SCNN1A: variants seen among roughly 807,000 people sequenced by gnomAD.
SCNN1A encodes the protein sodium channel epithelial 1 subunit alpha, also known as epithelial sodium channel subunit alpha.
SCNN1A carries 65 observed loss-of-function variants against 68.6 expected under a neutral mutation model. The observed-to-expected ratio is 0.95, with a 90% CI of 0.78 to 1.16. The LOEUF is 1.16. Ranked by LOEUF, SCNN1A falls within the 50% of genes most tolerant of loss-of-function variation. The pLI is 0.00. For synonymous variants in SCNN1A, 357 were observed against 353.3 expected, an observed-to-expected ratio of 1.01 and a Z score of -0.12; for missense variants, 880 against 865.9, an observed-to-expected ratio of 1.02 and a Z score of -0.20.
Position 6,348,967 on chromosome 12 carries a change from G to A in SCNN1A, c.1536C>T (p.Tyr512=). Reference sequence around the variant, plus strand: ...GGACTGACCTCTTGTTGTTGACGGTGTAATTGTTCTGTCGCGATAGCATCT... The same window carrying A: ...GGACTGACCTCTTGTTGTTGACGGTATAATTGTTCTGTCGCGATAGCATCT... The part of the protein sequence containing the change: ...VFQMLSRQNN[Y]TVNNKRNGVA... The change falls in exon 11 of 13, where the codon TAC becomes TAT. Residue 512 remains tyrosine (Y), a synonymous_variant. Coordinates refer to ENST00000228916, the MANE Select transcript of SCNN1A (RefSeq NM_001038.6). The A allele has an allele frequency of 1.9e-6, 3 of 1,614,118 alleles. No homozygotes were observed. The highest frequency in any genetic ancestry group is 2.5e-6 in the Non-Finnish European group (3 of 1,180,026).
chr12:6,374,644 G>C lies in SCNN1A; in HGVS notation c.140C>G (p.Ala47Gly), dbSNP rs945701189. 6.2e-7 allele frequency: 1 copy of C among 1,613,612 alleles called. No individual in the cohort carries two copies. Among genetic ancestry groups the C allele is most frequent in the Non-Finnish European group, 8.5e-7 (1 of 1,179,768 alleles). ...GTAGGAGCGGTGGAACTCGATCAGG[G>C]CCTCCTCCTCCGCCGTGGGCTGCTG... ...APQQPTAEEEALIEFHRSYRE... is the reference protein window; with the variant it reads ...APQQPTAEEEGLIEFHRSYRE... The change falls in exon 2 of 13, where the codon GCC (alanine) becomes GGC (glycine). Residue 47 changes from alanine to glycine, a missense_variant. Transcript: ENST00000228916. The surrounding 1 kb of genome is among the most constrained non-coding windows in gnomAD (Gnocchi z 6.2).
chr12:6,349,003 T>C lies in SCNN1A; in HGVS notation c.1500A>G (p.Glu500=). ...GTCGCGATAGCATCTGGAAGACCCA[T>C]TCCTAGGAAAGAATGGGGGTGTCAT... ...YSRWPSVTSQ[E]WVFQMLSRQN... Residue 500 remains glutamate, a splice_region_variant and synonymous_variant, in exon 11 of 13, where the codon GAA becomes GAG. Transcript: ENST00000228916. 2 of 1,614,112 alleles carry C rather than the reference T, an allele frequency of 1.2e-6. No homozygotes were observed. The highest frequency in any genetic ancestry group is 1.7e-6 in the Non-Finnish European group (2 of 1,179,990).
intron 2 of SCNN1A, among the ~76,000 whole-genome samples, chr12:6,369,855 A>T (rs1010586594): frequency 1.4e-5 from 2 of 143,562 alleles, no homozygotes; most frequent in African/African-American, 5.1e-5. Context: ...AAAAAAAAAA[A>T]TCTCTCCCTC....
At chr12:6,349,994 G>A in intron 8 of SCNN1A, 1 of 193,298 alleles carries the variant, frequency 5.2e-6, no homozygotes, top group South Asian at 6.9e-5. Flanking sequence ...CCAAAGTGCT[G>A]GGATTACAGG....
intron 2 of SCNN1A, among the ~76,000 whole-genome samples, chr12:6,370,584 A>G (rs1244386341): frequency 1.3e-5 from 2 of 152,232 alleles, no homozygotes; most frequent in African/African-American, 4.8e-5. Flanking sequence ...TCCAACCACC[A>G]TGGCAGGGTT....
At chr12:6,352,015 T>C (rs563487086) in intron 8 of SCNN1A, among the ~76,000 whole-genome samples, 1 of 152,164 alleles carries the variant, frequency 6.6e-6, no homozygotes, top group African/African-American at 2.4e-5. Flanking sequence ...CCTCTCAAAG[T>C]GCTGCGATTA....
At chr12:6,348,865 A>G in intron 11 of SCNN1A, 63 bp from the exon 12 acceptor site, 1 of 1,602,094 alleles carries the variant, frequency 6.2e-7, no homozygotes, top group Non-Finnish European at 8.6e-7. Flanking sequence ...ACCTTCCTCT[A>G]ATCAACCATA....
chr12:6,367,728 TA>T (rs1948704448), intron 2 of SCNN1A, among the ~76,000 whole-genome samples: 1 of 152,216 alleles, frequency 6.6e-6, no homozygotes, highest in Non-Finnish European at 1.5e-5. Flanking sequence ...GTACATCAAT[TA>T]TGCCTCACTT....
chr12:6,361,962 A>G, intron 4 of SCNN1A, 89 bp downstream of exon 4: 4 of 1,431,352 alleles, frequency 2.8e-6, no homozygotes, highest in Non-Finnish European at 3.9e-6. Flanking sequence ...GTCAACAAGC[A>G]TTTCCTGGGC....
In SCNN1A at chr12:6,363,436, G is replaced by GCCTCACCAGCTGGAAGCCT; in HGVS notation, c.684+6_684+7insAGGCTTCCAGCTGGTGAGG. The GCCTCACCAGCTGGAAGCCT allele has an allele frequency of 6.4e-7, 1 of 1,558,680 alleles. No individual in the cohort carries two copies. The highest frequency in any genetic ancestry group is 8.7e-7 in the Non-Finnish European group (1 of 1,153,854). ...CGGGGCGGGCCCCTCGGCGCTGCGG[G>GCCTCACCAGCTGGAAGCCT]CCTCACCAGCTGGAAGCCGATCTTC... is the stretch of plus-strand genomic sequence containing the variant. On this transcript the variant is annotated splice_region_variant and intron_variant, in intron 3 of 12. Coordinates refer to ENST00000228916, the MANE Select transcript of SCNN1A (RefSeq NM_001038.6).
chr12:6,353,575 TTTTA>T (rs1948426972), intron 8 of SCNN1A: 1 of 151,106 alleles, frequency 6.6e-6, no homozygotes, highest in African/African-American at 2.4e-5. Flanking sequence ...TTATTTTTAT[TTTTA>T]TTTATTTATT....
chr12:6,352,199 T>G (rs1450734082), intron 8 of SCNN1A, among the ~76,000 whole-genome samples: 1 of 152,086 alleles, frequency 6.6e-6, no homozygotes, highest in Admixed American at 6.5e-5. Context: ...ATGAGTGAAA[T>G]GTATGGGATA....
At chr12:6,364,768 A>C (rs199726522) in intron 2 of SCNN1A, among the ~76,000 whole-genome samples, 1 of 151,694 alleles carries the variant, frequency 6.6e-6, no homozygotes, top group Non-Finnish European at 1.5e-5. Context: ...TCTCAAAAAA[A>C]AAAAAAAATT....
chr12:6,365,650 GA>G (rs139662384), intron 2 of SCNN1A, among the ~76,000 whole-genome samples: 1 of 151,690 alleles, frequency 6.6e-6, no homozygotes, highest in Non-Finnish European at 1.5e-5. Context: ...TACTGTATTG[GA>G]AAAAAAATGA....
At chr12:6,356,592 T>C (rs1419660502) in intron 4 of SCNN1A, among the ~76,000 whole-genome samples, 1 of 152,160 alleles carries the variant, frequency 6.6e-6, no homozygotes, top group Non-Finnish European at 1.5e-5. Flanking sequence ...TGTCTCAGAA[T>C]GGTAGGTCCA....
At chr12:6,362,945 A>G in intron 3 of SCNN1A, among the ~76,000 whole-genome samples, 1 of 115,810 alleles carries the variant, frequency 8.6e-6, no homozygotes, top group African/African-American at 3.3e-5. Flanking sequence ...GGCCTCCCAA[A>G]GTGCTGGGAT....
upstream of SCNN1A, chr12:6,377,235 C>T: frequency 6.5e-7 from 1 of 1,544,356 alleles, no homozygotes; most frequent in Non-Finnish European, 8.7e-7. Flanking sequence ...GATTCCAAAC[C>T]AGGTTCCCTT....
chr12:6,375,775 G>T, upstream of SCNN1A: 4 of 1,404,420 alleles, frequency 2.8e-6, no homozygotes, highest in Non-Finnish European at 2.8e-6. Flanking sequence ...GAGGGGCAAA[G>T]ATCTGAACAA....
At chr12:6,376,019 T>C (rs1334061347), upstream of SCNN1A, 5 of 994,036 alleles carry the variant, frequency 5.0e-6, no homozygotes, top group East Asian at 5.5e-4. Context: ...AGGGAGTCTG[T>C]CTCCAGGAAG....
Sources: allele counts gnomAD v4.1 joint callset (sites outside exome capture counted in the v4.1 genomes callset), GRCh38; gene constraint gnomAD v4.1.1; non-coding constraint Gnocchi (gnomAD v3.1); transcripts MANE v1.5; gene names NCBI Gene and HGNC (gene_info 2026-07-23, HGNC 2026-07-21).